Variants in PLEKHH2 observed in about 807,000 individuals in gnomAD.
PLEKHH2 encodes pleckstrin homology domain-containing family H member 2.
PLEKHH2 carries 129 observed loss-of-function variants against 187.9 expected under a neutral mutation model. The ratio of observed to expected loss-of-function variants is 0.69; its 90% CI spans 0.59 to 0.79. PLEKHH2 has a LOEUF of 0.79. Among genes scored for constraint, PLEKHH2 ranks in the 30% least tolerant of loss-of-function variants. PLEKHH2 has a pLI of 0.00. For missense variants in PLEKHH2, 2,076 were observed against 1,751.2 expected, an observed-to-expected ratio of 1.19 and a Z score of -3.31; for synonymous variants, 686 against 605.6, an observed-to-expected ratio of 1.13 and a Z score of -1.95.
chr2:43,699,499 T>G lies in PLEKHH2; in HGVS notation c.689-148T>G, dbSNP rs527590225. 4.2e-4 allele frequency: 401 copies of G among 948,710 alleles called. No individual in the cohort carries two copies. In the African/African-American group the frequency reaches 5.3e-3, roughly 13 times the overall value. 58.8% of individuals were successfully genotyped at this position (948,710 alleles called of 1,614,324 possible). On this transcript the variant is annotated intron_variant, in intron 7 of 29. Coordinates refer to ENST00000282406, the MANE Select transcript of PLEKHH2 (RefSeq NM_172069.4). ...CTCAAGCAATCATCCTGCCTCAGCCTCCCAAGTAGCTGGGACTACAGGTAC... is the reference window on the plus strand; with the variant it reads ...CTCAAGCAATCATCCTGCCTCAGCCGCCCAAGTAGCTGGGACTACAGGTAC...
intron 25 of PLEKHH2, among the ~76,000 whole-genome samples, chr2:43,755,342 C>T (rs573162352): frequency 1.3e-5 from 2 of 152,236 alleles, no homozygotes; most frequent in South Asian, 2.1e-4. Flanking sequence ...CCACATCCTG[C>T]GAATGTGAAC....
intron 28 of PLEKHH2, 66 bp from the exon 29 acceptor site, chr2:43,764,162 A>G: frequency 1.0e-6 from 1 of 955,296 alleles, no homozygotes; most frequent in East Asian, 2.9e-5. Context: ...ATATATTATT[A>G]ATTATTTTCC....
At position 43,731,532 on chromosome 2, in the gene PLEKHH2, A is replaced by G; in HGVS notation, c.2873A>G (p.Glu958Gly). ...CACCCCACTTTGTGTCACAGTAAAG[A>G]AGGAATCATTTCCCCTCTGACAACT... ...WRHPTLCHSK[E>G]GIISPLTTLP... The change falls in exon 19 of 30, where the codon GAA becomes GGA. Residue 958 changes from glutamate to glycine, a missense_variant. Physicochemically the swap from Glu to Gly is moderately conservative, Grantham distance 98. Coordinates refer to ENST00000282406, the MANE Select transcript of PLEKHH2 (RefSeq NM_172069.4). The G allele has an allele frequency of 6.2e-7, 1 of 1,607,010 alleles. No homozygotes were observed. The highest frequency in any genetic ancestry group is 8.5e-7 in the Non-Finnish European group (1 of 1,173,942).
Position 43,726,372 on chromosome 2 carries a change from T to A in PLEKHH2, c.2642T>A (p.Leu881Ter). 6.2e-7 allele frequency: 1 copy of A among 1,610,630 alleles called. No homozygotes were observed. The highest frequency in any genetic ancestry group is 8.5e-7 in the Non-Finnish European group (1 of 1,176,816). The change falls in exon 17 of 30, where the codon TTA becomes TAA. Residue 881 changes from leucine (L) to a stop codon, truncating the protein, a stop_gained. Coordinates refer to ENST00000282406, the MANE Select transcript of PLEKHH2 (RefSeq NM_172069.4). LOFTEE classifies it high-confidence loss of function. ...EDYEASGRSL[L>*]STHYTIVIHP... ...TATGAAGCCAGTGGACGAAGTCTGT[T>A]ATCCACACATTATACTATCGTTATC...
intron 18 of PLEKHH2, among the ~76,000 whole-genome samples, chr2:43,730,418 A>T (rs1670980837): frequency 6.6e-6 from 1 of 152,190 alleles, no homozygotes; most frequent in Non-Finnish European, 1.5e-5. Context: ...TTTGTTTTTG[A>T]GACGGAGTCT....
chr2:43,696,422 G>A (rs1400249154), intron 6 of PLEKHH2, among the ~76,000 whole-genome samples: 2 of 151,216 alleles, frequency 1.3e-5, no homozygotes, highest in East Asian at 1.9e-4. Context: ...CGGGAGTTTG[G>A]GGCTGCAGTG....
rs1229431845 is a variant in PLEKHH2, at chr2:43,767,545, C to A, written c.*1947C>A. ...ACCAGTTTGTGATGACTCTCAGAAG[C>A]CTTTTGGCTGGGTTACAGAAGAGTT... On this transcript the variant is annotated 3_prime_UTR_variant, in exon 30 of 30. Transcript: ENST00000282406. The A allele has an allele frequency of 2.0e-5, 3 of 152,320 alleles. No homozygotes were observed. Among genetic ancestry groups the A allele is most frequent in the African/African-American group, 7.2e-5 (3 of 41,440 alleles). 9.4% of individuals were successfully genotyped at this position (152,320 alleles called of 1,614,324 possible).
chr2:43,668,932 G>T lies in PLEKHH2; in HGVS notation c.124-9931G>T, dbSNP rs181469432. Among the ~76,000 whole-genome samples the T allele has an allele frequency of 8.5e-5, 13 of 152,348 alleles. No individual in the cohort carries two copies. The East Asian group carries it at 2.5e-3, about 29-fold the overall frequency. ...CATCCCTGATATTATGCACAAAGGT[G>T]GGGGAAGGGAAAAGGTGGTAACTGC... On this transcript the variant is annotated intron_variant, in intron 2 of 29. Coordinates refer to ENST00000282406, the MANE Select transcript of PLEKHH2 (RefSeq NM_172069.4).
intron 2 of PLEKHH2, among the ~76,000 whole-genome samples, chr2:43,666,348 C>G (rs544338850): frequency 6.6e-6 from 1 of 151,406 alleles, no homozygotes; most frequent in East Asian, 1.9e-4. Context: ...ACGGTGCGCA[C>G]ACCCACTGGC....
At chr2:43,720,280 CT>C (rs58739376) in intron 15 of PLEKHH2, among the ~76,000 whole-genome samples, 59,644 of 147,510 alleles carry the variant, frequency 0.4, 13,476 homozygotes, top group African/African-American at 0.63. Context: ...ACAGGTAAAT[CT>C]TTTTTTTTTT....
intron 15 of PLEKHH2, 92 bp from the exon 16 acceptor site, chr2:43,720,577 T>C (rs571857709): frequency 1.3e-6 from 2 of 1,554,554 alleles, no homozygotes; most frequent in South Asian, 1.2e-5. Context: ...GCAAACTGGA[T>C]GCCTATAGAA....
At chr2:43,701,898 G>A (rs1463011349) in intron 8 of PLEKHH2, among the ~76,000 whole-genome samples, 8 of 151,830 alleles carry the variant, frequency 5.3e-5, no homozygotes, top group African/African-American at 1.7e-4. Context: ...CTCCCAAGTA[G>A]CTGGAACTAC....
chr2:43,696,316 A>G (rs1669088893), intron 6 of PLEKHH2, among the ~76,000 whole-genome samples: 2 of 151,928 alleles, frequency 1.3e-5, no homozygotes, highest in Admixed American at 1.3e-4. Context: ...CTACAAAAAA[A>G]GTTTTTTTTA....
chr2:43,650,757 T>C (rs1666427851), intron 2 of PLEKHH2, among the ~76,000 whole-genome samples: 1 of 151,964 alleles, frequency 6.6e-6, no homozygotes, highest in South Asian at 2.1e-4. Flanking sequence ...GCAATTCTCC[T>C]GCCTCAGCCT....
intron 19 of PLEKHH2, among the ~76,000 whole-genome samples, chr2:43,735,505 T>G (rs1439414472): frequency 6.6e-6 from 1 of 152,136 alleles, no homozygotes; most frequent in Non-Finnish European, 1.5e-5. Context: ...GTTCTAGTGT[T>G]CAACAGCACA....
chr2:43,743,800 T>C, intron 22 of PLEKHH2, 34 bp from the exon 23 acceptor site: 3 of 1,573,114 alleles, frequency 1.9e-6, no homozygotes, highest in Non-Finnish European at 2.6e-6. Flanking sequence ...TATATATTTC[T>C]TATTAAGAGA....
At position 43,674,061 on chromosome 2, in the gene PLEKHH2, A is replaced by C. The variant is rs901977278; in HGVS notation, c.124-4802A>C. On this transcript the variant is annotated intron_variant, in intron 2 of 29. Transcript: ENST00000282406. ...GCATGGTACTTTAGGCATGACAGAG[A>C]GCTTTGTCATTTCATCAATAATTTG... is the stretch of plus-strand genomic sequence containing the variant. Among the ~76,000 whole-genome samples, 6 of 152,306 alleles carry C rather than the reference A, an allele frequency of 3.9e-5. 1 individual carries two copies. The highest frequency in any genetic ancestry group is 1.2e-4 in the African/African-American group (5 of 41,556).
At chr2:43,710,997 GC>G in intron 14 of PLEKHH2, 1 of 997,050 alleles carries the variant, frequency 1.0e-6, no homozygotes, top group East Asian at 1.1e-4. Context: ...AACTTCAGAT[GC>G]CATAACACCA....
intron 21 of PLEKHH2, 56 bp from the exon 22 acceptor site, chr2:43,742,685 T>C: frequency 7.7e-7 from 1 of 1,305,838 alleles, no homozygotes; most frequent in Non-Finnish European, 1.0e-6. Context: ...TGGTTGCACA[T>C]ATTAGGTTGT....
Sources: allele counts gnomAD v4.1 joint callset (sites outside exome capture counted in the v4.1 genomes callset), GRCh38; gene constraint gnomAD v4.1.1; transcripts MANE v1.5; gene names NCBI Gene and HGNC (gene_info 2026-07-23, HGNC 2026-07-21).